INF2: variants seen among roughly 807,000 people sequenced by gnomAD.
INF2 encodes inverted formin 2.
INF2 carries 43 observed loss-of-function variants against 123.5 expected under a neutral mutation model. The observed-to-expected ratio is 0.35, with a 90% confidence interval of 0.27 to 0.45. The LOEUF (loss-of-function observed/expected upper bound fraction) is 0.45, where lower values mean the gene tolerates loss of function less well. INF2 is among the 20% of genes least tolerant of loss of function. The pLI is 1.00. For missense variants in INF2, 1,453 were observed against 1,682.7 expected (o/e 0.86, Z 2.39); for synonymous variants, 851 against 745.0 (o/e 1.14, Z -2.32).
intron 18 of INF2, 75 bp from the exon 19 acceptor site, chr14:104,713,132 G>A: frequency 6.2e-7 from 1 of 1,600,698 alleles, no homozygotes; most frequent in African/African-American, 1.3e-5. Context: ...GCGGCTCAGG[G>A]AGGGGGACGC....
chr14:104,709,758 G>A, intron 12 of INF2, 53 bp downstream of exon 12: 2 of 1,497,590 alleles, frequency 1.3e-6, no homozygotes, highest in Non-Finnish European at 9.3e-7. Context: ...TGGGAGGAGA[G>A]CAGGAATAGG....
At position 104,714,113 on chromosome 14, in the gene INF2, G is replaced by T. The variant is rs146081430; in HGVS notation, c.3041-90G>T. The T allele has an allele frequency of 1.4e-5, 16 of 1,183,398 alleles. No homozygotes were observed. In the South Asian group the frequency reaches 1.4e-4, roughly 11 times the overall value. 73.3% of individuals were successfully genotyped at this position (1,183,398 alleles called of 1,614,324 possible). On this transcript the variant is annotated intron_variant, in intron 20 of 22. Coordinates refer to ENST00000392634, the MANE Select transcript of INF2 (RefSeq NM_022489.4). ...TTCTGGGGAGGAGGTTTTGCAGGGCGTTCAGGTAGACAGCGGAATGGAGGA... is the reference window on the plus strand; with the variant it reads ...TTCTGGGGAGGAGGTTTTGCAGGGCTTTCAGGTAGACAGCGGAATGGAGGA...
chr14:104,716,502 G>A (rs1018558592), intron 22 of INF2, among the ~76,000 whole-genome samples: 5 of 152,184 alleles, frequency 3.3e-5, no homozygotes, highest in African/African-American at 9.7e-5. Flanking sequence ...AGTGGAGCAT[G>A]CAGGTCTGGG....
chr14:104,697,906 GC>G (rs1261188592), intron 1 of INF2, among the ~76,000 whole-genome samples: 3 of 152,176 alleles, frequency 2.0e-5, no homozygotes, highest in Non-Finnish European at 4.4e-5. Flanking sequence ...TGGATGGGAC[GC>G]CCCTTCTTGG....
rs372257945 is a variant in INF2, at chr14:104,703,281, C to T, written c.508-14C>T. On this transcript the variant is annotated splice_polypyrimidine_tract_variant and intron_variant, in intron 3 of 22. Transcript: ENST00000392634. Reference sequence around the variant, plus strand: ...TCCCTGCCTGGGTGTGCCCTGACCCCGCCCTCCCCACAGACGGTGTGCAGC... The same window carrying T: ...TCCCTGCCTGGGTGTGCCCTGACCCTGCCCTCCCCACAGACGGTGTGCAGC... 27 of 1,612,946 alleles carry T rather than the reference C, an allele frequency of 1.7e-5. No individual in the cohort carries two copies. Among genetic ancestry groups the T allele is most frequent in the Admixed American group, 1.7e-4 (10 of 60,026 alleles).
chr14:104,711,602 G>T (rs757966112), intron 15 of INF2, 27 bp from the exon 16 acceptor site: 1 of 1,605,596 alleles, frequency 6.2e-7, no homozygotes, highest in Non-Finnish European at 8.5e-7. Context: ...GACCACAGTG[G>T]ATCTCACTGG....
At chr14:104,698,557 TATGAG>T (rs1345043326) in intron 1 of INF2, among the ~76,000 whole-genome samples, 10 of 152,240 alleles carry the variant, frequency 6.6e-5, no homozygotes, top group Non-Finnish European at 1.0e-4. Context: ...TTTGGGCTCC[TATGAG>T]ATGAGACAAA....
chr14:104,696,751 C>T (rs1462870705), intron 1 of INF2, among the ~76,000 whole-genome samples: 2 of 152,136 alleles, frequency 1.3e-5, no homozygotes, highest in African/African-American at 4.8e-5. Context: ...GCTAAAAATA[C>T]AGTGTGGCAG....
chr14:104,715,860 G>T (rs758164890), intron 22 of INF2: 2 of 458,048 alleles, frequency 4.4e-6, no homozygotes, highest in South Asian at 3.1e-5. Context: ...CGGGACAGTC[G>T]CAAGGGCAGA....
intron 12 of INF2, 39 bp from the exon 13 acceptor site, chr14:104,710,049 G>A (rs958930779): frequency 2.7e-6 from 4 of 1,480,442 alleles, no homozygotes; most frequent in Non-Finnish European, 3.7e-6. Context: ...GGACAGGTGG[G>A]GGGTGCAGGC....
chr14:104,700,220 C>T (rs141724463), intron 1 of INF2, among the ~76,000 whole-genome samples: 157 of 152,308 alleles, frequency 1.0e-3, no homozygotes, highest in African/African-American at 3.6e-3. Context: ...CCAGTCACAG[C>T]CCAGCCGTGC....
chr14:104,698,674 T>C (rs532304020), intron 1 of INF2, among the ~76,000 whole-genome samples: 2 of 152,186 alleles, frequency 1.3e-5, no homozygotes, highest in Non-Finnish European at 2.9e-5. Flanking sequence ...CGTGGTGTGT[T>C]TGCAGGTTCA....
At position 104,699,844 on chromosome 14, in the gene INF2, C is replaced by T. The variant is rs570983551; in HGVS notation, c.-9-1513C>T. ...GGGCCAAGGTCTGCTGGTGAGGGCCCGGGCTGGGGACATGCAGATCAGAAC... is the reference window on the plus strand; with the variant it reads ...GGGCCAAGGTCTGCTGGTGAGGGCCTGGGCTGGGGACATGCAGATCAGAAC... On this transcript the variant is annotated intron_variant, in intron 1 of 22. Coordinates refer to ENST00000392634, the MANE Select transcript of INF2 (RefSeq NM_022489.4). The surrounding 1 kb of genome is among the most constrained non-coding windows in gnomAD (Gnocchi z 4.7). Among the ~76,000 whole-genome samples, 389 of 152,244 alleles carry T rather than the reference C, an allele frequency of 2.6e-3. 1 individual carries two copies. Among genetic ancestry groups the T allele is most frequent in the African/African-American group, 8.5e-3 (352 of 41,552 alleles).
Position 104,708,658 on chromosome 14 carries a change from G to C in INF2, c.1888-13G>C, listed in dbSNP as rs746950007. Reference sequence around the variant, plus strand: ...CCCTCCGGTACCAGCCTGTTGGGTGGGGGGTTTTCTAGATCACTTTCCTCG... The same window carrying C: ...CCCTCCGGTACCAGCCTGTTGGGTGCGGGGTTTTCTAGATCACTTTCCTCG... On this transcript the variant is annotated splice_polypyrimidine_tract_variant and intron_variant, in intron 9 of 22. Coordinates refer to ENST00000392634, the MANE Select transcript of INF2 (RefSeq NM_022489.4). 1 of 1,612,962 alleles carries C rather than the reference G, an allele frequency of 6.2e-7. No homozygotes were observed. Among genetic ancestry groups the C allele is most frequent in the Non-Finnish European group, 8.5e-7 (1 of 1,179,870 alleles).
chr14:104,684,687 T>C (rs55989006), upstream of INF2: 22,324 of 152,420 alleles, frequency 0.15, 2,646 homozygotes, highest in East Asian at 0.62. The surrounding 1 kb of genome is among the most constrained non-coding windows in gnomAD (Gnocchi z 5.0). Flanking sequence ...CTTGGTGTGG[T>C]AGACCCAAGC....
At chr14:104,709,025 C>T (rs2140674708) in intron 10 of INF2, among the ~76,000 whole-genome samples, 1 of 152,214 alleles carries the variant, frequency 6.6e-6, no homozygotes, top group East Asian at 1.9e-4. Context: ...GTGTCCAGCA[C>T]TGGCCCGAGG....
intron 1 of INF2, among the ~76,000 whole-genome samples, chr14:104,692,189 C>T (rs1054050396): frequency 1.3e-5 from 2 of 152,192 alleles, no homozygotes; most frequent in Non-Finnish European, 2.9e-5. Context: ...AGCCAGCCTG[C>T]GGGGTCCCTC....
chr14:104,710,896 C>A, intron 13 of INF2, 41 bp from the exon 14 acceptor site: 1 of 1,593,784 alleles, frequency 6.3e-7, no homozygotes. Context: ...TCTGGGGGCT[C>A]CGAACCAAGA....
chr14:104,698,934 C>G (rs1889334158), intron 1 of INF2, among the ~76,000 whole-genome samples: 1 of 152,228 alleles, frequency 6.6e-6, no homozygotes. Flanking sequence ...GCCAGGCACC[C>G]AGGCACGGGG....
Sources: gnomAD v4.1 joint callset for allele counts (sites outside exome capture counted in the v4.1 genomes callset) on GRCh38, gnomAD v4.1.1 for gene constraint, Gnocchi (gnomAD v3.1) non-coding constraint, MANE v1.5 for transcripts, NCBI Gene and HGNC (gene_info 2026-07-23, HGNC 2026-07-21) for gene names.